The following EQTN variants were observed in gnomAD, a reference collection of about 807,000 sequenced individuals.
The protein encoded by EQTN is Acrosome formation associated factor.
A neutral mutation model predicts 26.9 loss-of-function variants in EQTN; 29 were observed. The observed-to-expected ratio is 1.08, with a 90% confidence interval of 0.80 to 1.47. The LOEUF is 1.47. Ranked by LOEUF, EQTN falls within the 40% of genes most tolerant of loss-of-function variation. EQTN has a pLI of 0.00. For missense variants in EQTN, 391 were observed against 346.1 expected (o/e 1.13, Z -1.03); for synonymous variants, 129 against 120.0 (o/e 1.07, Z -0.49).
At chr9:27,293,243 G>A (rs1418847546) in intron 3 of EQTN, among the ~76,000 whole-genome samples, 1 of 152,166 alleles carries the variant, frequency 6.6e-6, no homozygotes, top group Non-Finnish European at 1.5e-5. Context: ...AAGGGAATCA[G>A]TTACTGGAGT....
chr9:27,295,847 A>C (rs1455343098), intron 2 of EQTN, among the ~76,000 whole-genome samples: 4 of 151,102 alleles, frequency 2.6e-5, no homozygotes, highest in Non-Finnish European at 5.9e-5. Context: ...AAAAAAAAAA[A>C]AAAAAAACAA....
At chr9:27,287,390 A>T (rs1000246030) in intron 6 of EQTN, among the ~76,000 whole-genome samples, 1 of 152,200 alleles carries the variant, frequency 6.6e-6, no homozygotes, top group African/African-American at 2.4e-5. Context: ...GTGCTCCTGA[A>T]TTGCTTTTCT....
At chr9:27,288,040 A>C (rs1820156915) in intron 6 of EQTN, among the ~76,000 whole-genome samples, 2 of 152,168 alleles carry the variant, frequency 1.3e-5, no homozygotes, top group African/African-American at 4.8e-5. Flanking sequence ...TCCTGACCTC[A>C]GGTGATCTGC....
At chr9:27,287,449 C>T (rs1587110126) in intron 6 of EQTN, among the ~76,000 whole-genome samples, 2 of 152,162 alleles carry the variant, frequency 1.3e-5, no homozygotes, top group East Asian at 3.9e-4. Context: ...AGTACATCTT[C>T]TTTATCTAGG....
chr9:27,284,870 A>C lies in EQTN; in HGVS notation c.738T>G (p.Ser246Arg), dbSNP rs1482191487. The C allele has an allele frequency of 1.2e-6, 2 of 1,613,990 alleles. No homozygotes were observed. The highest frequency in any genetic ancestry group is 1.7e-5 in the Admixed American group (1 of 59,992). ...TACCCAAAAATGTGCTGCTCTCTGC[A>C]CTCTTGGAAAAGGATGTATCTGAAA... ...EGVSDTSFSK[S>R]AESSTFLGTT... Residue 246 changes from serine to arginine, a missense_variant, in exon 8 of 8, where the codon AGT (serine) becomes AGG (arginine). By Grantham distance (110) the Ser-to-Arg change is moderately radical (BLOSUM62 -1). Transcript: ENST00000380032.
chr9:27,284,912 A>T lies in EQTN; in HGVS notation c.696T>A (p.Phe232Leu). 1 of 1,614,164 alleles carries T rather than the reference A, an allele frequency of 6.2e-7. No individual in the cohort carries two copies. The highest frequency in any genetic ancestry group is 8.5e-7 in the Non-Finnish European group (1 of 1,180,008). The change falls in exon 8 of 8, where the codon TTT (phenylalanine) becomes TTA (leucine). Residue 232 changes from phenylalanine (F) to leucine (L), a missense_variant. Transcript: ENST00000380032. ...TATCTGAAACACCTTCTGATGGATG[A>T]AAGTAAGACATCGTGGCCAGCTCTG... ...VNPELATMSY[F>L]HPSEGVSDTS... is the part of the protein sequence containing the mutation.
At chr9:27,291,142 C>A in intron 4 of EQTN, 79 bp from the exon 5 acceptor site, 1 of 1,319,740 alleles carries the variant, frequency 7.6e-7, no homozygotes, top group South Asian at 1.4e-5. Flanking sequence ...GAGGAACATT[C>A]GTTTGTTAGT....
chr9:27,293,766 C>T (rs1820283233), intron 3 of EQTN, among the ~76,000 whole-genome samples: 1 of 152,144 alleles, frequency 6.6e-6, no homozygotes, highest in African/African-American at 2.4e-5. Flanking sequence ...AATATAAGCC[C>T]TTGGAATGTT....
intron 2 of EQTN, among the ~76,000 whole-genome samples, chr9:27,294,674 C>T (rs549781492): frequency 6.6e-6 from 1 of 152,192 alleles, no homozygotes; most frequent in South Asian, 2.1e-4. Flanking sequence ...TATGTAAGCA[C>T]ATAACAGGTG....
Position 27,294,317 on chromosome 9 carries a change from G to A in EQTN, c.288C>T (p.Asn96=), listed in dbSNP as rs149742821. 84 of 1,605,360 alleles carry A rather than the reference G, an allele frequency of 5.2e-5. No homozygotes were observed. Among genetic ancestry groups the A allele is most frequent in the Non-Finnish European group, 6.3e-5 (74 of 1,174,442 alleles). Residue 96 remains asparagine (N), a splice_region_variant and synonymous_variant, in exon 3 of 8, where the codon AAC becomes AAT. Coordinates refer to ENST00000380032, the MANE Select transcript of EQTN (RefSeq NM_020641.3). ...ATTDLNFALK[N]DKTVNATTYE... is the part of the protein sequence containing the mutation. ...GCAATGGTGCCTTTCACTTCTTACC[G>A]TTTTTTAGAGCAAAATTCAGGTCAG...
chr9:27,288,294 T>C lies in EQTN; in HGVS notation c.481+1378A>G, dbSNP rs553466422. 1.5e-3 allele frequency among the ~76,000 whole-genome samples: 225 copies of C among 152,286 alleles called. 1 individual carries two copies. The Middle Eastern group carries it at 0.02, about 14-fold the overall frequency. ...AAATTAGGAGTTTTACCTCTATTAG[T>C]ATAATTAAGCCATTAAGGAAAACTC... On this transcript the variant is annotated intron_variant, in intron 6 of 7. Transcript: ENST00000380032.
At chr9:27,286,397 G>C (rs762523376) in intron 6 of EQTN, 35 bp from the exon 7 acceptor site, 1 of 1,550,696 alleles carries the variant, frequency 6.4e-7, no homozygotes, top group Non-Finnish European at 8.7e-7. Flanking sequence ...AAAATAGGGT[G>C]TTCAGTGTGT....
chr9:27,290,975 GA>G lies in EQTN; in HGVS notation c.421+43del, dbSNP rs750774584. 18 of 1,584,242 alleles carry G rather than the reference GA, an allele frequency of 1.1e-5. 1 individual carries two copies. In the Admixed American group the frequency reaches 3.3e-4, roughly 29 times the overall value. ...GATCTTAGCTCTAAGTAAGATTTTA[GA>G]AAACCAAAATGTTTCCCAAGCTACC... On this transcript the variant is annotated intron_variant, in intron 5 of 7. Transcript: ENST00000380032.
At position 27,284,749 on chromosome 9, in the gene EQTN, C is replaced by A. The variant is rs1316822823; in HGVS notation, c.859G>T (p.Glu287Ter). ...CACCGGGTAACCGACTCATCGTTTTCATGCATCTCATTATCTGAGCCTATG... is the reference window on the plus strand; with the variant it reads ...CACCGGGTAACCGACTCATCGTTTTAATGCATCTCATTATCTGAGCCTATG... Reference protein sequence around the residue: ...ISIGSDNEMHENDESVTR With the variant: ...ISIGSDNEMH The change falls in exon 8 of 8, where the codon GAA becomes TAA. Residue 287 changes from glutamate to a stop codon, truncating the protein, a stop_gained. Transcript: ENST00000380032. LOFTEE classifies it low-confidence loss of function (END_TRUNC). 3 of 1,614,004 alleles carry A rather than the reference C, an allele frequency of 1.9e-6. No individual in the cohort carries two copies. In the South Asian group the frequency reaches 3.3e-5, roughly 18 times the overall value.
chr9:27,287,192 TC>T (rs1302841372), intron 6 of EQTN, among the ~76,000 whole-genome samples: 1 of 152,146 alleles, frequency 6.6e-6, no homozygotes, highest in Non-Finnish European at 1.5e-5. Flanking sequence ...TTCACTATTT[TC>T]TAGGTAATGA....
intron 4 of EQTN, chr9:27,292,117 C>T (rs1171163412): frequency 5.5e-6 from 1 of 181,538 alleles, no homozygotes; most frequent in African/African-American, 2.3e-5. Flanking sequence ...TAAATATATA[C>T]TAATTTGTAA....
rs1041312841 is a variant in EQTN, at chr9:27,296,749, G to T, written c.77-11C>A. 3.8e-6 allele frequency: 6 copies of T among 1,599,984 alleles called. No homozygotes were observed. The Admixed American group carries it at 5.4e-5, about 14-fold the overall frequency. On this transcript the variant is annotated splice_polypyrimidine_tract_variant and intron_variant, in intron 1 of 7. Transcript: ENST00000380032. ...GCACATTAGGCAATGCTAAAAAAAA[G>T]TATCACACACCATAGATCAGAAATA...
intron 1 of EQTN, 37 bp downstream of exon 1, chr9:27,296,942 AC>A: frequency 6.2e-7 from 1 of 1,600,336 alleles, no homozygotes. Context: ...CATCCTTCTT[AC>A]CTACTATTTT....
chr9:27,290,678 A>T lies in EQTN; in HGVS notation c.421+341T>A, dbSNP rs924096925. ...TATGCATGCATATATTTTGGTATAC[A>T]CTTTGCATTTATATATGCATCTGTG... On this transcript the variant is annotated intron_variant, in intron 5 of 7. Transcript: ENST00000380032. Among the ~76,000 whole-genome samples, 4 of 152,238 alleles carry T rather than the reference A, an allele frequency of 2.6e-5. No individual in the cohort carries two copies. The East Asian group carries it at 5.8e-4, about 22-fold the overall frequency.
Sources: gnomAD v4.1 joint callset for allele counts (sites outside exome capture counted in the v4.1 genomes callset) on GRCh38, gnomAD v4.1.1 for gene constraint, MANE v1.5 for transcripts, NCBI Gene and HGNC (gene_info 2026-07-23, HGNC 2026-07-21) for gene names.